PELP1: variants seen among roughly 807,000 people sequenced by gnomAD.
PELP1 encodes the protein proline, glutamate and leucine rich protein 1, also known as proline-, glutamic acid- and leucine-rich protein 1.
Under a neutral mutation model 95.5 loss-of-function variants are expected in PELP1, and 32 were observed. The ratio of observed to expected loss-of-function variants is 0.34; its 90% confidence interval spans 0.25 to 0.45. PELP1 has a LOEUF of 0.45. Among genes scored for constraint, PELP1 ranks in the 20% least tolerant of loss-of-function variants. PELP1 has a pLI of 1.00. For missense variants in PELP1, 1,358 were observed against 1,444.8 expected (o/e 0.94, Z 0.97); for synonymous variants, 668 against 600.1 (o/e 1.11, Z -1.65).
rs141413477 is a variant in PELP1, at chr17:4,675,455, C to T, written c.1069-93G>A. ...GGGAATGACCATTTACATATGTACA[C>T]ATAGGTAAGAAACCCAACCCCTGAT... On this transcript the variant is annotated intron_variant, in intron 9 of 16. Coordinates refer to ENST00000572293, the MANE Select transcript of PELP1 (RefSeq NM_014389.3). The surrounding 1 kb of genome is among the most constrained non-coding windows in gnomAD (Gnocchi z 4.3). The T allele has an allele frequency of 3.2e-5, 27 of 849,722 alleles. No homozygotes were observed. Among genetic ancestry groups the T allele is most frequent in the Admixed American group, 6.0e-5 (3 of 50,156 alleles). 52.6% of individuals were successfully genotyped at this position (849,722 alleles called of 1,614,324 possible).
In PELP1 at chr17:4,674,962, T is replaced by C. The variant is rs1597446935; in HGVS notation, c.1275-6A>G. The stretch of plus-strand genomic sequence containing the variant: ...ACACCTTGGTCCGAACCGTGCTGTG[T>C]CATGAGCAAAGATGGCAGTTATGAA... On this transcript the variant is annotated splice_region_variant and splice_polypyrimidine_tract_variant and intron_variant, in intron 11 of 16. Transcript: ENST00000572293. The C allele has an allele frequency of 2.5e-6, 4 of 1,608,326 alleles. No homozygotes were observed. Among genetic ancestry groups the C allele is most frequent in the Non-Finnish European group, 2.6e-6 (3 of 1,175,668 alleles).
intron 5 of PELP1, among the ~76,000 whole-genome samples, chr17:4,677,791 G>A (rs1206112972): frequency 6.6e-6 from 1 of 152,128 alleles, no homozygotes; most frequent in African/African-American, 2.4e-5. Flanking sequence ...TTAGCCGGGT[G>A]TGGTGGCGCA....
chr17:4,673,019 A>G lies in PELP1; in HGVS notation c.1972T>C (p.Ser658Pro). The G allele has an allele frequency of 6.5e-7, 1 of 1,538,836 alleles. No individual in the cohort carries two copies. The highest frequency in any genetic ancestry group is 1.4e-5 in the African/African-American group (1 of 72,508). ...PAPVPPPEAPSPFRAPPFHPP... is the reference protein window; with the variant it reads ...PAPVPPPEAPPPFRAPPFHPP... ...TGGAACGGTGGGGCCCTGAAGGGCG[A>G]TGGGGCCTCAGGAGGGGGAACTGGA... The change falls in exon 16 of 17, where the codon TCG (serine) becomes CCG (proline). Residue 658 changes from serine (S) to proline (P), a missense_variant. Physicochemically the swap from Ser to Pro is moderately conservative, Grantham distance 74. Around this residue, in one of 7 missense-constraint regions of PELP1, gnomAD observed 340 missense variants for 322.9 expected, o/e 1.05. Coordinates refer to ENST00000572293, the MANE Select transcript of PELP1 (RefSeq NM_014389.3). The surrounding 1 kb of genome is among the most constrained non-coding windows in gnomAD (Gnocchi z 5.7).
chr17:4,673,044 A>G lies in PELP1; in HGVS notation c.1947T>C (p.Ala649=). 1 of 1,529,600 alleles carries G rather than the reference A, an allele frequency of 6.5e-7. No homozygotes were observed. The highest frequency in any genetic ancestry group is 8.8e-7 in the Non-Finnish European group (1 of 1,140,994). The allele number at this position is 1,529,600 out of a possible 1,614,324, so 94.8% of individuals were successfully genotyped here. ...QPMGPTCPTP[A]PVPPPEAPSP... ...ATGGGGCCTCAGGAGGGGGAACTGG[A>G]GCAGGTGTGGGGCAGGTGGGGCCCA... The change falls in exon 16 of 17, where the codon GCT becomes GCC. Residue 649 remains alanine, a synonymous_variant. Coordinates refer to ENST00000572293, the MANE Select transcript of PELP1 (RefSeq NM_014389.3). This position sits in a 1 kb window ranked among gnomAD's most constrained non-coding sequence, Gnocchi z 5.7.
chr17:4,688,200 T>C (rs1353020018), intron 3 of PELP1, among the ~76,000 whole-genome samples: 1 of 151,788 alleles, frequency 6.6e-6, no homozygotes, highest in Admixed American at 6.6e-5. Flanking sequence ...CCGGGCGGGG[T>C]GGCAGGCACC....
At chr17:4,677,697 G>A (rs1414867011) in intron 5 of PELP1, among the ~76,000 whole-genome samples, 2 of 152,216 alleles carry the variant, frequency 1.3e-5, no homozygotes, top group Admixed American at 1.3e-4. Flanking sequence ...GGGAGGTCAA[G>A]GCAGGCGGAT....
chr17:4,672,145 T>C lies in PELP1; in HGVS notation c.2846A>G (p.Glu949Gly), dbSNP rs972183917. ...EGELEEEEEE[E>G]DEEEEEELEE... is the part of the protein sequence containing the mutation. Reference sequence around the variant, plus strand: ...CAGTTCTTCTTCCTCCTCCTCATCCTCCTCTTCTTCTTCTTCCTCTAACTC... The same window carrying C: ...CAGTTCTTCTTCCTCCTCCTCATCCCCCTCTTCTTCTTCTTCCTCTAACTC... The change falls in exon 16 of 17, where the codon GAG becomes GGG. Residue 949 changes from glutamate (E) to glycine (G), a missense_variant. Physicochemically the swap from Glu to Gly is moderately conservative, Grantham distance 98. This residue lies in a region of PELP1 where 283 missense variants were observed against 284.1 expected (regional missense o/e 1.00). Coordinates refer to ENST00000572293, the MANE Select transcript of PELP1 (RefSeq NM_014389.3). 18 of 1,547,890 alleles carry C rather than the reference T, an allele frequency of 1.2e-5. No individual in the cohort carries two copies. The highest frequency in any genetic ancestry group is 1.6e-5 in the Non-Finnish European group (18 of 1,146,930).
chr17:4,691,115 A>G (rs1913080183), intron 2 of PELP1, 122 bp from the exon 3 acceptor site: 2 of 732,454 alleles, frequency 2.7e-6, no homozygotes, highest in African/African-American at 1.8e-5. Flanking sequence ...GTGGTTTCCA[A>G]CTCCTGAAAT....
At chr17:4,703,380 G>A (rs561437389) in intron 1 of PELP1, among the ~76,000 whole-genome samples, 2 of 152,304 alleles carry the variant, frequency 1.3e-5, no homozygotes, top group Non-Finnish European at 2.9e-5. Flanking sequence ...CTTCAGATAA[G>A]GTTAGAGACC....
At chr17:4,692,922 C>T (rs770989751) in intron 1 of PELP1, among the ~76,000 whole-genome samples, 11 of 151,688 alleles carry the variant, frequency 7.3e-5, no homozygotes, top group Non-Finnish European at 1.3e-4. Flanking sequence ...AGGCAGGAGA[C>T]TCGCTTGAAC....
At position 4,674,845 on chromosome 17, in the gene PELP1, C is replaced by T; in HGVS notation, c.1386G>A (p.Leu462=). The T allele has an allele frequency of 1.2e-6, 2 of 1,613,300 alleles. No homozygotes were observed. Among genetic ancestry groups the T allele is most frequent in the Non-Finnish European group, 1.7e-6 (2 of 1,179,656 alleles). Reference sequence around the variant, plus strand: ...CAGCTGGCGGGGAGATGTCGCTGAGCAGGTGGGTGAGCAGGGCCTCTCCAG... The same window carrying T: ...CAGCTGGCGGGGAGATGTCGCTGAGTAGGTGGGTGAGCAGGGCCTCTCCAG... ...GASGEALLTH[L]LSDISPPADA... Residue 462 remains leucine, a synonymous_variant, in exon 12 of 17, where the codon CTG becomes CTA. Transcript: ENST00000572293.
chr17:4,693,583 C>T (rs1317562771), intron 1 of PELP1, among the ~76,000 whole-genome samples: 2 of 152,158 alleles, frequency 1.3e-5, no homozygotes, highest in African/African-American at 4.8e-5. Flanking sequence ...GACTTGAACA[C>T]GAGCACTGCA....
At chr17:4,683,074 C>T in intron 3 of PELP1, 122 bp from the exon 4 acceptor site, 1 of 1,338,844 alleles carries the variant, frequency 7.5e-7, no homozygotes, top group Non-Finnish European at 9.6e-7. Flanking sequence ...CCATCCAAGC[C>T]ACTACCTGGC....
chr17:4,693,778 T>A (rs767497347), intron 1 of PELP1, among the ~76,000 whole-genome samples: 1 of 152,222 alleles, frequency 6.6e-6, no homozygotes. Context: ...TTAAAACTTA[T>A]GAATTACTTA....
Position 4,673,230 on chromosome 17 carries a change from G to C in PELP1, c.1845+20C>G, listed in dbSNP as rs1876045812. On this transcript the variant is annotated intron_variant, in intron 15 of 16. Coordinates refer to ENST00000572293, the MANE Select transcript of PELP1 (RefSeq NM_014389.3). This position sits in a 1 kb window ranked among gnomAD's most constrained non-coding sequence, Gnocchi z 5.7. ...AAGAGACTCCAGGAACCAAAGAGGGGCTTGGCCCATCACAGTTACCTCAAG... is the reference window on the plus strand; with the variant it reads ...AAGAGACTCCAGGAACCAAAGAGGGCCTTGGCCCATCACAGTTACCTCAAG... 2.6e-6 allele frequency: 4 copies of C among 1,555,964 alleles called. 1 individual carries two copies. The highest frequency in any genetic ancestry group is 2.4e-5 in the East Asian group (1 of 41,764).
At position 4,690,954 on chromosome 17, in the gene PELP1, C is replaced by T; in HGVS notation, c.354G>A (p.Glu118=). 1 of 1,613,862 alleles carries T rather than the reference C, an allele frequency of 6.2e-7. No individual in the cohort carries two copies. Among genetic ancestry groups the T allele is most frequent in the Non-Finnish European group, 8.5e-7 (1 of 1,179,768 alleles). ...GLCLLSLLVG[E]SPTELFQQHC... The stretch of plus-strand genomic sequence containing the variant: ...GCTGCTGGAATAGCTCTGTGGGGCT[C>T]TCCCCTACCAGCAGGGACAGCAGAC... Residue 118 remains glutamate (E), a synonymous_variant, in exon 3 of 17, where the codon GAG becomes GAA. Transcript: ENST00000572293.
chr17:4,696,732 G>A (rs766568363), intron 1 of PELP1: 5 of 152,124 alleles, frequency 3.3e-5, no homozygotes, highest in African/African-American at 4.8e-5. Flanking sequence ...TAACTGTGGC[G>A]ATACAAAGCA....
chr17:4,683,358 C>T (rs1597451265), intron 3 of PELP1, among the ~76,000 whole-genome samples: 1 of 150,854 alleles, frequency 6.6e-6, no homozygotes, highest in Admixed American at 6.6e-5. Context: ...GTAGCTGAGA[C>T]TACAAGCGCC....
At chr17:4,683,574 A>C (rs1483799103) in intron 3 of PELP1, among the ~76,000 whole-genome samples, 13 of 118,352 alleles carry the variant, frequency 1.1e-4, no homozygotes, top group Admixed American at 2.3e-4. Context: ...TCTGTCCCCC[A>C]GGGTGGAATG....
Sources: gnomAD v4.1 joint callset for allele counts (sites outside exome capture counted in the v4.1 genomes callset) on GRCh38, gnomAD v4.1.1 for gene constraint, gnomAD v4.1.1 regional missense constraint, Gnocchi (gnomAD v3.1) non-coding constraint, MANE v1.5 for transcripts, NCBI Gene and HGNC (gene_info 2026-07-23, HGNC 2026-07-21) for gene names.